The following C1orf21 variants were observed in gnomAD, a reference collection of about 807,000 sequenced individuals.
The protein encoded by C1orf21 is chromosome 1 open reading frame 21, also known as uncharacterized protein C1orf21.
A neutral mutation model predicts 18.7 loss-of-function variants in C1orf21; 3 were observed. That is an observed-to-expected ratio of 0.16 (90% CI 0.07 to 0.42). C1orf21 has a LOEUF of 0.42. C1orf21 is among the 10% of genes least tolerant of loss of function. C1orf21 has a pLI of 0.99. For synonymous variants in C1orf21, 41 were observed against 46.4 expected, an observed-to-expected ratio of 0.88 and a Z score of 0.47; for missense variants, 104 against 143.6, an observed-to-expected ratio of 0.72 and a Z score of 1.41.
intron 3 of C1orf21, among the ~76,000 whole-genome samples, chr1:184,551,389 A>G (rs1320891028): frequency 6.6e-6 from 1 of 152,230 alleles, no homozygotes; most frequent in Non-Finnish European, 1.5e-5. Context: ...TTTGAGTGTG[A>G]GGAACAAAAC....
At chr1:184,614,710 A>G (rs1017203870) in intron 5 of C1orf21, among the ~76,000 whole-genome samples, 4 of 152,226 alleles carry the variant, frequency 2.6e-5, no homozygotes. Flanking sequence ...CTGCAACAAG[A>G]TGGTCCCATC....
chr1:184,586,525 C>T (rs1419981287), intron 3 of C1orf21, among the ~76,000 whole-genome samples: 3 of 152,032 alleles, frequency 2.0e-5, no homozygotes, highest in East Asian at 1.9e-4. Flanking sequence ...CCTCGTGATC[C>T]GCCCGCCTCG....
chr1:184,421,478 AAAC>A (rs2101966811), intron 1 of C1orf21, among the ~76,000 whole-genome samples: 1 of 152,356 alleles, frequency 6.6e-6, no homozygotes, highest in East Asian at 1.9e-4. Flanking sequence ...CTTTAAAACA[AAAC>A]AACAACAATA....
intron 3 of C1orf21, among the ~76,000 whole-genome samples, chr1:184,582,570 C>T (rs575343710): frequency 1.2e-3 from 189 of 152,340 alleles, no homozygotes; most frequent in African/African-American, 4.4e-3. Context: ...CCTGAGATTT[C>T]TCTGTAAGAC....
intron 1 of C1orf21, among the ~76,000 whole-genome samples, chr1:184,416,085 T>C (rs1656446950): frequency 6.6e-6 from 1 of 152,140 alleles, no homozygotes; most frequent in Non-Finnish European, 1.5e-5. Flanking sequence ...AGGAACAAAA[T>C]CATCTTCCTA....
intron 2 of C1orf21, among the ~76,000 whole-genome samples, chr1:184,495,244 A>G (rs1189550294): frequency 6.6e-6 from 1 of 150,486 alleles, no homozygotes; most frequent in Admixed American, 6.6e-5. Context: ...TCATCCCTAC[A>G]CTCTTTTGTT....
At chr1:184,496,596 G>T (rs1657898237) in intron 2 of C1orf21, among the ~76,000 whole-genome samples, 1 of 152,148 alleles carries the variant, frequency 6.6e-6, no homozygotes, top group Non-Finnish European at 1.5e-5. Context: ...TCCAGGTCAT[G>T]CATTATACTT....
intron 1 of C1orf21, among the ~76,000 whole-genome samples, chr1:184,407,606 C>T (rs2101960140): frequency 6.6e-6 from 1 of 152,254 alleles, no homozygotes; most frequent in East Asian, 1.9e-4. Context: ...ACCATTTCCC[C>T]CCAAAGCAAA....
chr1:184,576,667 A>G (rs1056220223), intron 3 of C1orf21, among the ~76,000 whole-genome samples: 6 of 152,228 alleles, frequency 3.9e-5, no homozygotes, highest in Non-Finnish European at 7.3e-5. Flanking sequence ...TCAACTAAAC[A>G]GACTGCCCTG....
intron 1 of C1orf21, among the ~76,000 whole-genome samples, chr1:184,421,328 A>G (rs61823539): frequency 0.11 from 17,029 of 151,740 alleles, 1,158 homozygotes; most frequent in East Asian, 0.15. Context: ...CTGGCCTTGA[A>G]CTCCTGGGCT....
intron 2 of C1orf21, among the ~76,000 whole-genome samples, chr1:184,489,990 C>G (rs144760588): frequency 6.6e-6 from 1 of 152,316 alleles, no homozygotes; most frequent in Non-Finnish European, 1.5e-5. Context: ...ATGTTTCCAT[C>G]TCCAGAAGGC....
At chr1:184,492,538 G>A (rs1037016934) in intron 2 of C1orf21, among the ~76,000 whole-genome samples, 3 of 152,192 alleles carry the variant, frequency 2.0e-5, no homozygotes, top group Non-Finnish European at 2.9e-5. Flanking sequence ...TGACCAAATT[G>A]TTAATTGCAT....
At position 184,515,313 on chromosome 1, in the gene C1orf21, A is replaced by G. The variant is rs571378831; in HGVS notation, c.189+7631A>G. ...TGTGCTTTAAAATTGATTTTTAAAA[A>G]GGGAGATAACAATAATAAAAGTCCA... On this transcript the variant is annotated intron_variant, in intron 3 of 5. Transcript: ENST00000235307. Among the ~76,000 whole-genome samples the G allele has an allele frequency of 1.4e-4, 22 of 152,346 alleles. No individual in the cohort carries two copies. In the East Asian group the frequency reaches 4.0e-3, roughly 28 times the overall value.
rs3814339 is a variant in C1orf21 at position 184,621,032 on chromosome 1, C to T, written c.*1476C>T. The T allele has an allele frequency of 2.0e-5, 3 of 152,574 alleles. No homozygotes were observed. The East Asian group carries it at 5.8e-4, about 29-fold the overall frequency. 9.5% of individuals were successfully genotyped at this position (152,574 alleles called of 1,614,324 possible). On this transcript the variant is annotated 3_prime_UTR_variant, in exon 6 of 6. Transcript: ENST00000235307. ...ATGTTCCTCTCTTTTGGAGTTGTGACTTTGAAGGGCCTCAATATTAGCCAC... is the reference window on the plus strand; with the variant it reads ...ATGTTCCTCTCTTTTGGAGTTGTGATTTTGAAGGGCCTCAATATTAGCCAC...
rs1486441156 is a variant in C1orf21 at position 184,433,491 on chromosome 1, A to C, written c.-124-43895A>C. ...TGCCTACAGAAGGAATGATTATGGA[A>C]TAAACTCCAATTTCTTAGTACAATA... is the stretch of plus-strand genomic sequence containing the variant. On this transcript the variant is annotated intron_variant, in intron 1 of 5. Coordinates refer to ENST00000235307, the MANE Select transcript of C1orf21 (RefSeq NM_030806.4). Among the ~76,000 whole-genome samples, 3 of 152,168 alleles carry C rather than the reference A, an allele frequency of 2.0e-5. No homozygotes were observed. In the East Asian group the frequency reaches 5.8e-4, roughly 29 times the overall value.
At chr1:184,411,701 C>T (rs1205653691) in intron 1 of C1orf21, among the ~76,000 whole-genome samples, 2 of 152,120 alleles carry the variant, frequency 1.3e-5, no homozygotes, top group South Asian at 2.1e-4. Flanking sequence ...GGATTGCAGG[C>T]GTGAGCCACC....
chr1:184,596,178 C>A (rs2102001425), intron 4 of C1orf21, among the ~76,000 whole-genome samples: 1 of 152,226 alleles, frequency 6.6e-6, no homozygotes, highest in Non-Finnish European at 1.5e-5. Context: ...ACTGACCAAA[C>A]GTTGCAGTTT....
At chr1:184,468,209 C>A (rs1219823001) in intron 1 of C1orf21, among the ~76,000 whole-genome samples, 4 of 152,198 alleles carry the variant, frequency 2.6e-5, no homozygotes, top group Non-Finnish European at 5.9e-5. Flanking sequence ...GGGCTTTCCT[C>A]TAGAGATGCT....
At chr1:184,391,406 C>T (rs1170635834) in intron 1 of C1orf21, among the ~76,000 whole-genome samples, 1 of 152,166 alleles carries the variant, frequency 6.6e-6, no homozygotes, top group East Asian at 1.9e-4. Flanking sequence ...ATTGGCCAAG[C>T]TACTGGAAGG....
Sources: gnomAD v4.1 joint callset for allele counts (sites outside exome capture counted in the v4.1 genomes callset) on GRCh38, gnomAD v4.1.1 for gene constraint, MANE v1.5 for transcripts, NCBI Gene and HGNC (gene_info 2026-07-23, HGNC 2026-07-21) for gene names.